The following ENTREP2 variants were observed in gnomAD, a reference collection of about 807,000 sequenced individuals.
The protein encoded by ENTREP2 is protein ENTREP2.
At chr15:29,359,108 G>C in the ENTREP2 span, among the ~76,000 whole-genome samples, 7 of 152,084 alleles carry the variant, frequency 4.6e-5, no homozygotes, top group African/African-American at 1.7e-4. Flanking sequence ...TCCAAACAGA[G>C]CAAAATGTGA....
At chr15:29,591,837 GA>G in the ENTREP2 span, among the ~76,000 whole-genome samples, 1 of 11,204 alleles carries the variant, frequency 8.9e-5, no homozygotes, top group Admixed American at 5.4e-4. Flanking sequence ...CAAAAGAGAA[GA>G]AGAAGAAGAA....
chr15:29,459,186 G>A, the ENTREP2 span, among the ~76,000 whole-genome samples: 23 of 152,262 alleles, frequency 1.5e-4, no homozygotes, highest in East Asian at 1.4e-3. Flanking sequence ...CACTCCATGC[G>A]TCCCCAGCCA....
chr15:29,582,945 A>T, the ENTREP2 span, among the ~76,000 whole-genome samples: 1 of 152,264 alleles, frequency 6.6e-6, no homozygotes, highest in South Asian at 2.1e-4. Flanking sequence ...CACCGTGCCC[A>T]GCCCTGAATT....
chr15:29,505,050 T>C, the ENTREP2 span, among the ~76,000 whole-genome samples: 15 of 152,234 alleles, frequency 9.9e-5, no homozygotes, highest in Non-Finnish European at 1.9e-4. The surrounding 1 kb of genome is among the most constrained non-coding windows in gnomAD (Gnocchi z 4.3). Context: ...GTTTGTTAAA[T>C]TGGAATATCT....
At chr15:29,471,104 C>T in the ENTREP2 span, among the ~76,000 whole-genome samples, 1 of 152,170 alleles carries the variant, frequency 6.6e-6, no homozygotes, top group African/African-American at 2.4e-5. Context: ...CCCCACACAG[C>T]CCCAGAGGAT....
the ENTREP2 span, among the ~76,000 whole-genome samples, chr15:29,328,778 G>T: frequency 2.6e-5 from 4 of 152,148 alleles, no homozygotes; most frequent in South Asian, 6.2e-4. Flanking sequence ...CGCTGTAAAG[G>T]ATTGGCATTG....
the ENTREP2 span, among the ~76,000 whole-genome samples, chr15:29,257,591 A>G: frequency 1.3e-5 from 2 of 152,218 alleles, no homozygotes; most frequent in Non-Finnish European, 2.9e-5. Context: ...ATTCCTCATC[A>G]TACGACTGGT....
At chr15:29,377,823 A>AAATAATAATAATAATAATAATAAT in the ENTREP2 span, among the ~76,000 whole-genome samples, 9 of 112,984 alleles carry the variant, frequency 8.0e-5, no homozygotes, top group South Asian at 3.0e-4. Context: ...TCTGTCTCAA[A>AAATAATAATAATAATAATAATAAT]AATAATAATA....
the ENTREP2 span, among the ~76,000 whole-genome samples, chr15:29,223,846 G>A: frequency 6.6e-6 from 1 of 152,132 alleles, no homozygotes; most frequent in African/African-American, 2.4e-5. Flanking sequence ...ACGAAAAGCA[G>A]GCACTCTCTG....
the ENTREP2 span, among the ~76,000 whole-genome samples, chr15:29,164,563 T>A: frequency 6.6e-6 from 1 of 152,050 alleles, no homozygotes; most frequent in Admixed American, 6.6e-5. Flanking sequence ...TAAAGCAATA[T>A]CAGTTAAAAG....
At chr15:29,348,269 G>A in the ENTREP2 span, among the ~76,000 whole-genome samples, 1 of 152,172 alleles carries the variant, frequency 6.6e-6, no homozygotes, top group South Asian at 2.1e-4. Flanking sequence ...GAGGGCAAGA[G>A]GCTTGATACA....
chr15:29,415,308 C>T, the ENTREP2 span, among the ~76,000 whole-genome samples: 1 of 152,176 alleles, frequency 6.6e-6, no homozygotes, highest in Non-Finnish European at 1.5e-5. Flanking sequence ...CCACCATGAT[C>T]AAGTGGGCTT....
chr15:29,512,499 A>G, the ENTREP2 span, among the ~76,000 whole-genome samples: 1 of 152,226 alleles, frequency 6.6e-6, no homozygotes, highest in Admixed American at 6.5e-5. Flanking sequence ...TTGAGGCACT[A>G]ACCCCAATGG....
the ENTREP2 span, among the ~76,000 whole-genome samples, chr15:29,237,341 A>AT: frequency 6.6e-6 from 1 of 151,790 alleles, no homozygotes; most frequent in Non-Finnish European, 1.5e-5. Context: ...CTGGTTTTTA[A>AT]TTTTTCTTAA....
the ENTREP2 span, among the ~76,000 whole-genome samples, chr15:29,388,959 T>G: frequency 1.0e-5 from 1 of 99,506 alleles, no homozygotes; most frequent in African/African-American, 4.0e-5. Flanking sequence ...CACCGGGGCC[T>G]GTTGTGGGGT....
At chr15:29,574,001 A>G in the ENTREP2 span, among the ~76,000 whole-genome samples, 1 of 152,148 alleles carries the variant, frequency 6.6e-6, no homozygotes, top group African/African-American at 2.4e-5. Context: ...TGAATCATAA[A>G]GAAAGAAAGG....
At chr15:29,363,488 A>G in the ENTREP2 span, among the ~76,000 whole-genome samples, 1 of 152,218 alleles carries the variant, frequency 6.6e-6, no homozygotes, top group Non-Finnish European at 1.5e-5. Flanking sequence ...TGTAAGTGCA[A>G]AAATTCAAAG....
the ENTREP2 span, among the ~76,000 whole-genome samples, chr15:29,181,905 C>T: frequency 6.6e-6 from 1 of 152,010 alleles, no homozygotes; most frequent in Non-Finnish European, 1.5e-5. Flanking sequence ...CCTTTAAAAT[C>T]GGGAACAAGA....
At chr15:29,538,524 G>A in the ENTREP2 span, among the ~76,000 whole-genome samples, 1 of 151,788 alleles carries the variant, frequency 6.6e-6, no homozygotes, top group Admixed American at 6.6e-5. Context: ...GCCGGGCGCA[G>A]TGGCTCACGC....
Sources: allele counts gnomAD v4.1 joint callset (sites outside exome capture counted in the v4.1 genomes callset), GRCh38; gene constraint gnomAD v4.1.1; non-coding constraint Gnocchi (gnomAD v3.1); transcripts MANE v1.5; gene names NCBI Gene and HGNC (gene_info 2026-07-23, HGNC 2026-07-21).